Variants in CLEC2L observed in about 807,000 individuals in gnomAD.
CLEC2L encodes the protein C-type lectin domain family 2 member L.
A neutral mutation model predicts 23.6 loss-of-function variants in CLEC2L; 14 were observed. The ratio of observed to expected loss-of-function variants is 0.59; its 90% confidence interval spans 0.39 to 0.93. The LOEUF (loss-of-function observed/expected upper bound fraction) is 0.93. CLEC2L is among the 40% of genes least tolerant of loss of function. The pLI is 0.00. For missense variants in CLEC2L, 264 were observed against 282.4 expected (o/e 0.93, Z 0.47); for synonymous variants, 114 against 121.3 (o/e 0.94, Z 0.40).
intron 4 of CLEC2L, 105 bp from the exon 5 acceptor site, chr7:139,544,126 A>T: frequency 2.7e-6 from 2 of 741,716 alleles, no homozygotes. Context: ...CCAGTGATGA[A>T]GTGAGGGAGG....
At chr7:139,530,116 G>A (rs1323392722) in intron 1 of CLEC2L, among the ~76,000 whole-genome samples, 8 of 151,732 alleles carry the variant, frequency 5.3e-5, no homozygotes, top group South Asian at 4.2e-4. Context: ...CCTGGGAGGC[G>A]GAGGTTGCAG....
At chr7:139,542,727 G>C (rs1045768689) in intron 4 of CLEC2L, among the ~76,000 whole-genome samples, 8 of 152,210 alleles carry the variant, frequency 5.3e-5, no homozygotes, top group Non-Finnish European at 8.8e-5. Context: ...TGGCGGTTTT[G>C]TAAGACTCAA....
intron 4 of CLEC2L, 150 bp from the exon 5 acceptor site, chr7:139,544,081 A>G (rs1385247620): frequency 4.8e-6 from 3 of 627,300 alleles, no homozygotes; most frequent in Non-Finnish European, 8.6e-6. Context: ...CCAAGCTAGA[A>G]CAGTCTGTTG....
At chr7:139,531,091 T>C (rs1401184511) in intron 1 of CLEC2L, among the ~76,000 whole-genome samples, 1 of 152,166 alleles carries the variant, frequency 6.6e-6, no homozygotes, top group African/African-American at 2.4e-5. Context: ...AGCCCCTATC[T>C]ATGGGCTTGG....
Position 139,536,331 on chromosome 7 carries a change from T to G in CLEC2L, c.248T>G (p.Val83Gly). The G allele has an allele frequency of 6.4e-7, 1 of 1,551,464 alleles. No homozygotes were observed. The highest frequency in any genetic ancestry group is 8.7e-7 in the Non-Finnish European group (1 of 1,146,842). The change falls in exon 2 of 5, where the codon GTG becomes GGG. Residue 83 changes from valine to glycine, a missense_variant. Val to Gly is a moderately radical substitution (Grantham distance 109). Transcript: ENST00000422142. ...AIAVLLFAIL[V>G]VMSILASKGC... Reference sequence around the variant, plus strand: ...GCGGTCCTTCTGTTCGCCATCTTGGTGGTGATGAGCATCTTGGGTGAGCAT... The same window carrying G: ...GCGGTCCTTCTGTTCGCCATCTTGGGGGTGATGAGCATCTTGGGTGAGCAT...
intron 2 of CLEC2L, among the ~76,000 whole-genome samples, chr7:139,536,608 C>G (rs1797660072): frequency 6.6e-6 from 1 of 152,034 alleles, no homozygotes; most frequent in Admixed American, 6.5e-5. Flanking sequence ...GTTGTGAGAA[C>G]TCAGAACAAA....
At position 139,544,410 on chromosome 7, in the gene CLEC2L, T is replaced by G; in HGVS notation, c.*68T>G. 1 of 1,184,344 alleles carries G rather than the reference T, an allele frequency of 8.4e-7. No individual in the cohort carries two copies. Among genetic ancestry groups the G allele is most frequent in the Non-Finnish European group, 1.2e-6 (1 of 816,864 alleles). The allele number at this position is 1,184,344 out of a possible 1,614,324, so 73.4% of individuals were successfully genotyped here. A position where few individuals can be genotyped will look rare whatever the true frequency, so the allele number is the denominator to read the frequency against. Reference sequence around the variant, plus strand: ...AGGTGTCTGGTGTCTGCTCAAGACCTGCTTCCAGCGGAGCCGCCTGCCCTC... The same window carrying G: ...AGGTGTCTGGTGTCTGCTCAAGACCGGCTTCCAGCGGAGCCGCCTGCCCTC... On this transcript the variant is annotated 3_prime_UTR_variant, in exon 5 of 5. Transcript: ENST00000422142.
At chr7:139,535,787 A>T (rs2116317207) in intron 1 of CLEC2L, among the ~76,000 whole-genome samples, 1 of 152,310 alleles carries the variant, frequency 6.6e-6, no homozygotes, top group South Asian at 2.1e-4. Context: ...TGAGGGCTGA[A>T]CGGGTTATTT....
At chr7:139,536,131 C>A (rs954731552) in intron 1 of CLEC2L, 143 bp from the exon 2 acceptor site, 12 of 640,048 alleles carry the variant, frequency 1.9e-5, no homozygotes, top group African/African-American at 1.8e-4. Context: ...ATGGTGAAAC[C>A]CCATCTCAAA....
rs1478490118 is a variant in CLEC2L at position 139,542,058 on chromosome 7, T to C, written c.470T>C (p.Ile157Thr). The change falls in exon 4 of 5, where the codon ATT becomes ACT. Residue 157 changes from isoleucine (I) to threonine (T), a missense_variant. By Grantham distance (89) the Ile-to-Thr change is moderately conservative (BLOSUM62 -1). Transcript: ENST00000422142. ...AAGTTCACGCGGAGGGAGCCCTGGATTGGACTACGCAGAGTTGGGGACGAA... is the reference window on the plus strand; with the variant it reads ...AAGTTCACGCGGAGGGAGCCCTGGACTGGACTACGCAGAGTTGGGGACGAA... Reference protein sequence around the residue: ...MFKFTRREPWIGLRRVGDEFH... With the variant: ...MFKFTRREPWTGLRRVGDEFH... The C allele has an allele frequency of 4.3e-6, 7 of 1,613,130 alleles. No individual in the cohort carries two copies. Among genetic ancestry groups the C allele is most frequent in the Non-Finnish European group, 5.1e-6 (6 of 1,179,698 alleles).
chr7:139,542,191 A>T (rs938826601), intron 4 of CLEC2L, 70 bp downstream of exon 4: 1 of 1,042,636 alleles, frequency 9.6e-7, no homozygotes, highest in African/African-American at 1.6e-5. Flanking sequence ...CCCTGGACAC[A>T]ACTCCCGAAG....
chr7:139,542,116 G>A lies in CLEC2L; in HGVS notation c.528G>A (p.Pro176=). Reference sequence around the variant, plus strand: ...GGGTCAACGGGGACCCGTTTGATCCGGACACGTGAGCTGAGGCTTCATCTT... The same window carrying A: ...GGGTCAACGGGGACCCGTTTGATCCAGACACGTGAGCTGAGGCTTCATCTT... The part of the protein sequence containing the change: ...FHWVNGDPFD[P]DTFTIAGPGE... Residue 176 remains proline (P), a synonymous_variant, in exon 4 of 5, where the codon CCG becomes CCA. Coordinates refer to ENST00000422142, the MANE Select transcript of CLEC2L (RefSeq NM_001080511.4). 1 of 1,606,466 alleles carries A rather than the reference G, an allele frequency of 6.2e-7. No homozygotes were observed. Among genetic ancestry groups the A allele is most frequent in the Non-Finnish European group, 8.5e-7 (1 of 1,175,774 alleles).
chr7:139,536,573 G>A (rs1797659674), intron 2 of CLEC2L, among the ~76,000 whole-genome samples: 2 of 152,126 alleles, frequency 1.3e-5, no homozygotes, highest in South Asian at 4.1e-4. Flanking sequence ...GAGTAGAGAT[G>A]TTACTTAGGT....
intron 1 of CLEC2L, among the ~76,000 whole-genome samples, chr7:139,535,230 C>G (rs1797636067): frequency 6.6e-6 from 1 of 152,172 alleles, no homozygotes; most frequent in African/African-American, 2.4e-5. Flanking sequence ...ACATGTGTGA[C>G]AACATGGATG....
rs138451088 is a variant in CLEC2L at position 139,524,449 on chromosome 7, C to T, written c.190+332C>T. 3.2e-4 allele frequency among the ~76,000 whole-genome samples: 48 copies of T among 152,322 alleles called. No individual in the cohort carries two copies. The East Asian group carries it at 8.1e-3, about 26-fold the overall frequency. On this transcript the variant is annotated intron_variant, in intron 1 of 4. Coordinates refer to ENST00000422142, the MANE Select transcript of CLEC2L (RefSeq NM_001080511.4). ...CACTGCCTGACACCCACCAGACAGG[C>T]GTGTTGAGAGGGTGGCGGAATCTGT...
Position 139,540,203 on chromosome 7 carries a change from C to A in CLEC2L, c.266-118C>A. The A allele has an allele frequency of 2.0e-6, 2 of 982,280 alleles. No homozygotes were observed. Among genetic ancestry groups the A allele is most frequent in the Non-Finnish European group, 3.0e-6 (2 of 667,748 alleles). 60.8% of individuals were successfully genotyped at this position (982,280 alleles called of 1,614,324 possible). ...ACCTCCAGGCACCAGGAGAGGACAG[C>A]CACATCTGCAGTGTCCCTGCAGGAC... On this transcript the variant is annotated intron_variant, in intron 2 of 4. Coordinates refer to ENST00000422142, the MANE Select transcript of CLEC2L (RefSeq NM_001080511.4). This position sits in a 1 kb window ranked among gnomAD's most constrained non-coding sequence, Gnocchi z 5.8.
At chr7:139,535,359 G>A (rs897762262) in intron 1 of CLEC2L, among the ~76,000 whole-genome samples, 1 of 152,158 alleles carries the variant, frequency 6.6e-6, no homozygotes, top group African/African-American at 2.4e-5. Context: ...GTGGTTGCCC[G>A]GGGCTGGGGA....
intron 1 of CLEC2L, among the ~76,000 whole-genome samples, chr7:139,524,327 C>T (rs949907668): frequency 1.3e-5 from 2 of 152,310 alleles, no homozygotes; most frequent in Non-Finnish European, 2.9e-5. Flanking sequence ...CACCGCGAGT[C>T]ACAGCCTCGA....
chr7:139,543,975 T>C (rs1385859187), intron 4 of CLEC2L, among the ~76,000 whole-genome samples: 1 of 152,046 alleles, frequency 6.6e-6, no homozygotes, highest in African/African-American at 2.4e-5. Flanking sequence ...GCAAGGACAT[T>C]GAGAATGGGG....
Sources: gnomAD v4.1 joint callset for allele counts (sites outside exome capture counted in the v4.1 genomes callset) on GRCh38, gnomAD v4.1.1 for gene constraint, Gnocchi (gnomAD v3.1) non-coding constraint, MANE v1.5 for transcripts, NCBI Gene and HGNC (gene_info 2026-07-23, HGNC 2026-07-21) for gene names.